Variants in MTUS2 observed in about 807,000 individuals in gnomAD.
MTUS2 encodes the protein microtubule associated scaffold protein 2, also known as microtubule-associated tumor suppressor candidate 2.
Under a neutral mutation model 114.1 loss-of-function variants are expected in MTUS2, and 40 were observed. The ratio of observed to expected loss-of-function variants is 0.35; its 90% CI spans 0.27 to 0.46. The LOEUF is 0.46. Ranked by LOEUF, MTUS2 falls within the 20% of genes least tolerant of loss-of-function variation. The pLI is 1.00. For missense variants in MTUS2, 1,679 were observed against 1,705.4 expected (o/e 0.98, Z 0.27); for synonymous variants, 688 against 672.0 (o/e 1.02, Z -0.37).
intron 2 of MTUS2, among the ~76,000 whole-genome samples, chr13:28,911,669 G>A (rs953472927): frequency 1.3e-5 from 2 of 151,848 alleles, no homozygotes; most frequent in African/African-American, 4.8e-5. Flanking sequence ...AGCATCTGTT[G>A]TTTCTTGACT....
intron 6 of MTUS2, among the ~76,000 whole-genome samples, chr13:29,294,599 A>G (rs1265141429): frequency 2.0e-5 from 3 of 152,238 alleles, no homozygotes; most frequent in African/African-American, 7.2e-5. Context: ...GAAAGGATAC[A>G]GAGTAAATTC....
intron 5 of MTUS2, among the ~76,000 whole-genome samples, chr13:29,214,114 C>T (rs1358210072): frequency 1.3e-5 from 2 of 151,500 alleles, no homozygotes; most frequent in Non-Finnish European, 2.9e-5. Context: ...CCATCTCTTT[C>T]CTGGCATTTG....
At chr13:29,096,293 A>G (rs1466764435) in intron 4 of MTUS2, among the ~76,000 whole-genome samples, 2 of 152,190 alleles carry the variant, frequency 1.3e-5, no homozygotes, top group African/African-American at 2.4e-5. Flanking sequence ...GATCTGTGTT[A>G]CATTGTCTTC....
chr13:29,361,806 C>T (rs905760782), intron 8 of MTUS2, among the ~76,000 whole-genome samples: 3 of 152,214 alleles, frequency 2.0e-5, no homozygotes, highest in Non-Finnish European at 4.4e-5. Context: ...AATGCATGAT[C>T]TCTTTGTTCT....
chr13:28,831,900 G>C (rs2137953099), intron 1 of MTUS2, among the ~76,000 whole-genome samples: 1 of 151,984 alleles, frequency 6.6e-6, no homozygotes, highest in Non-Finnish European at 1.5e-5. Context: ...GAGACTACAG[G>C]TGCATGCCAC....
At chr13:28,930,369 G>A (rs1350461155) in intron 2 of MTUS2, among the ~76,000 whole-genome samples, 2 of 152,186 alleles carry the variant, frequency 1.3e-5, no homozygotes, top group African/African-American at 2.4e-5. Flanking sequence ...GGGACTGCCC[G>A]GGTGCTTATC....
chr13:29,352,836 C>T (rs1325876654), intron 7 of MTUS2, among the ~76,000 whole-genome samples: 3 of 152,190 alleles, frequency 2.0e-5, no homozygotes, highest in African/African-American at 7.2e-5. Flanking sequence ...TTTTCTTTTG[C>T]AGTATCTAAT....
At chr13:29,017,450 A>G (rs888061909) in intron 2 of MTUS2, among the ~76,000 whole-genome samples, 3 of 152,248 alleles carry the variant, frequency 2.0e-5, no homozygotes, top group Admixed American at 2.0e-4. Context: ...CCTGGCAGCT[A>G]AGGAGAGCTG....
rs553045158 is a variant in MTUS2, at chr13:29,047,398, G to T, written c.2446+13273G>T. Among the ~76,000 whole-genome samples the T allele has an allele frequency of 9.2e-5, 14 of 152,086 alleles. No homozygotes were observed. The South Asian group carries it at 1.9e-3, about 20-fold the overall frequency. On this transcript the variant is annotated intron_variant, in intron 4 of 15. Coordinates refer to ENST00000612955, the MANE Select transcript of MTUS2 (RefSeq NM_001033602.4). The stretch of plus-strand genomic sequence containing the variant: ...TTCTGATGCAGCTGTTTTGATGCCG[G>T]CATTTTGATAAAATGCCAGCCAAAT...
At chr13:28,938,179 T>G (rs1442913223) in intron 2 of MTUS2, among the ~76,000 whole-genome samples, 1 of 152,162 alleles carries the variant, frequency 6.6e-6, no homozygotes, top group African/African-American at 2.4e-5. Flanking sequence ...GGTCAGGAGA[T>G]CGAGACCATC....
intron 4 of MTUS2, among the ~76,000 whole-genome samples, chr13:29,039,679 T>A (rs866960559): frequency 5.9e-5 from 9 of 152,218 alleles, no homozygotes; most frequent in African/African-American, 1.9e-4. Flanking sequence ...AAGGGTGCTG[T>A]CTTTGATCAG....
intron 2 of MTUS2, among the ~76,000 whole-genome samples, chr13:28,939,535 C>T (rs944617972): frequency 6.6e-6 from 1 of 151,990 alleles, no homozygotes; most frequent in African/African-American, 2.4e-5. Flanking sequence ...AAACAGTTTC[C>T]AAATGTTTGC....
intron 2 of MTUS2, among the ~76,000 whole-genome samples, chr13:28,989,289 C>T (rs1884718255): frequency 6.6e-6 from 1 of 152,104 alleles, no homozygotes; most frequent in African/African-American, 2.4e-5. Context: ...TCTCATCTTA[C>T]CCAAGACCCA....
At chr13:29,055,233 TG>T (rs1187505795) in intron 4 of MTUS2, among the ~76,000 whole-genome samples, 1 of 152,162 alleles carries the variant, frequency 6.6e-6, no homozygotes, top group Non-Finnish European at 1.5e-5. Flanking sequence ...TAAACTCATT[TG>T]GGATTTTGAT....
At chr13:28,865,606 T>A (rs954274777) in intron 2 of MTUS2, among the ~76,000 whole-genome samples, 2 of 152,180 alleles carry the variant, frequency 1.3e-5, no homozygotes, top group African/African-American at 4.8e-5. Context: ...GGCTGCACAT[T>A]TTAAGCAGGG....
Position 28,836,118 on chromosome 13 carries a change from AAAAATC to A in MTUS2, c.-315-3655_-315-3650del, listed in dbSNP as rs1164812726. ...TTTCTGTTTTCTAGTACCTGCATTT[AAAAATC>A]AAAAAGAAACATGGAATTTAATATA... On this transcript the variant is annotated intron_variant, in intron 1 of 15. Transcript: ENST00000612955. 2.6e-5 allele frequency among the ~76,000 whole-genome samples: 4 copies of A among 152,344 alleles called. No individual in the cohort carries two copies. The East Asian group carries it at 5.8e-4, about 22-fold the overall frequency.
At chr13:28,871,085 A>G (rs1412062780) in intron 2 of MTUS2, among the ~76,000 whole-genome samples, 5 of 152,326 alleles carry the variant, frequency 3.3e-5, no homozygotes, top group Non-Finnish European at 7.3e-5. Flanking sequence ...CAATGCTACA[A>G]CTACTGTCAT....
rs534295239 is a variant in MTUS2, at chr13:29,301,289, G to A, written c.2806+19424G>A. Among the ~76,000 whole-genome samples, 4 of 152,248 alleles carry A rather than the reference G, an allele frequency of 2.6e-5. No homozygotes were observed. The East Asian group carries it at 7.7e-4, about 29-fold the overall frequency. On this transcript the variant is annotated intron_variant, in intron 6 of 15. Transcript: ENST00000612955. ...TGTAGGCCTGGAATGGGGTGATTCT[G>A]ATGGTGATGGCCCTCTTTACACAGC...
intron 9 of MTUS2, among the ~76,000 whole-genome samples, chr13:29,459,102 G>C (rs1879310473): frequency 6.6e-6 from 1 of 152,356 alleles, no homozygotes; most frequent in African/African-American, 2.4e-5. Context: ...GCATCGCTTG[G>C]ACCCAAGCGG....
Sources: allele counts gnomAD v4.1 joint callset (sites outside exome capture counted in the v4.1 genomes callset), GRCh38; gene constraint gnomAD v4.1.1; transcripts MANE v1.5; gene names NCBI Gene and HGNC (gene_info 2026-07-23, HGNC 2026-07-21).